PRORP: variants seen among roughly 807,000 people sequenced by gnomAD.
PRORP encodes the protein protein only RNase P catalytic subunit, also known as mitochondrial ribonuclease P catalytic subunit.
In PRORP, 51 loss-of-function variants were observed where a neutral mutation model predicts 59.4. The ratio of observed to expected loss-of-function variants is 0.86; its 90% confidence interval spans 0.69 to 1.08. The LOEUF is 1.08. Ranked by LOEUF, PRORP falls within the 50% of genes least tolerant of loss-of-function variation. The pLI, the probability that PRORP is intolerant of heterozygous loss-of-function variation, is 0.00. For missense variants in PRORP, 646 were observed against 690.3 expected (o/e 0.94, Z 0.72); for synonymous variants, 231 against 245.6 (o/e 0.94, Z 0.55).
At chr14:35,220,477 A>G (rs1427001435) in intron 5 of PRORP, among the ~76,000 whole-genome samples, 4 of 152,172 alleles carry the variant, frequency 2.6e-5, no homozygotes, top group African/African-American at 9.7e-5. Flanking sequence ...CCATTCTGAC[A>G]CGGCATTATA....
At chr14:35,253,285 C>T (rs1259703248) in intron 5 of PRORP, among the ~76,000 whole-genome samples, 3 of 145,242 alleles carry the variant, frequency 2.1e-5, no homozygotes, top group Non-Finnish European at 3.0e-5. Flanking sequence ...AGCTGTGATT[C>T]GTGCCACTGC....
intron 4 of PRORP, among the ~76,000 whole-genome samples, chr14:35,128,836 A>G (rs1296014131): frequency 6.6e-6 from 1 of 151,314 alleles, no homozygotes; most frequent in Non-Finnish European, 1.5e-5. Context: ...ATTTATTTCT[A>G]CTCTGATCTT....
intron 4 of PRORP, among the ~76,000 whole-genome samples, chr14:35,155,376 C>T (rs920853827): frequency 1.3e-5 from 2 of 151,904 alleles, no homozygotes; most frequent in African/African-American, 4.8e-5. Context: ...TTATACTATT[C>T]TGTCTACTTT....
At chr14:35,178,488 A>G (rs890879740) in intron 4 of PRORP, among the ~76,000 whole-genome samples, 9 of 152,250 alleles carry the variant, frequency 5.9e-5, no homozygotes, top group Non-Finnish European at 1.3e-4. Context: ...TCCCTTTACC[A>G]TTATGTAATG....
At chr14:35,164,895 A>T (rs548510517) in intron 4 of PRORP, among the ~76,000 whole-genome samples, 1 of 152,222 alleles carries the variant, frequency 6.6e-6, no homozygotes, top group East Asian at 1.9e-4. Flanking sequence ...TAAAATAGGG[A>T]GACCACATCA....
At chr14:35,198,838 C>T (rs1242264267) in intron 5 of PRORP, among the ~76,000 whole-genome samples, 1 of 151,922 alleles carries the variant, frequency 6.6e-6, no homozygotes, top group Non-Finnish European at 1.5e-5. Flanking sequence ...TGAGACCATC[C>T]TGGCCAACAT....
chr14:35,263,594 A>T (rs1279235345), intron 5 of PRORP, among the ~76,000 whole-genome samples: 8 of 152,190 alleles, frequency 5.3e-5, no homozygotes, highest in Admixed American at 5.2e-4. Flanking sequence ...AGGCTGAGGT[A>T]GGAGAATCGC....
At chr14:35,260,771 C>G (rs899816575) in intron 5 of PRORP, among the ~76,000 whole-genome samples, 4 of 152,246 alleles carry the variant, frequency 2.6e-5, no homozygotes, top group East Asian at 3.8e-4. Context: ...TAGCCCACCC[C>G]CTTTTTGAAG....
chr14:35,201,384 G>A (rs2049144331), intron 5 of PRORP, among the ~76,000 whole-genome samples: 1 of 152,022 alleles, frequency 6.6e-6, no homozygotes, highest in South Asian at 2.1e-4. Context: ...TAAATTATTT[G>A]GAATTCTCCC....
At chr14:35,167,403 C>T (rs989486795) in intron 4 of PRORP, among the ~76,000 whole-genome samples, 1 of 152,096 alleles carries the variant, frequency 6.6e-6, no homozygotes, top group Non-Finnish European at 1.5e-5. Flanking sequence ...TGGAGAAATG[C>T]GATAAGATAG....
At chr14:35,218,714 C>T (rs757459445) in intron 5 of PRORP, among the ~76,000 whole-genome samples, 4 of 151,526 alleles carry the variant, frequency 2.6e-5, no homozygotes, top group South Asian at 2.1e-4. Flanking sequence ...TTAGTAGAGA[C>T]GGGGTTTCAC....
At chr14:35,199,841 G>A (rs2049102183) in intron 5 of PRORP, among the ~76,000 whole-genome samples, 1 of 152,110 alleles carries the variant, frequency 6.6e-6, no homozygotes, top group South Asian at 2.1e-4. Context: ...AGTAGAAATT[G>A]CTTATGCATG....
At chr14:35,201,456 A>G (rs2049145884) in intron 5 of PRORP, among the ~76,000 whole-genome samples, 1 of 151,964 alleles carries the variant, frequency 6.6e-6, no homozygotes, top group Non-Finnish European at 1.5e-5. Context: ...ACTCATGGAT[A>G]TTTATTTTTA....
intron 4 of PRORP, among the ~76,000 whole-genome samples, chr14:35,142,077 C>T (rs1411126147): frequency 6.9e-6 from 1 of 144,930 alleles, no homozygotes; most frequent in African/African-American, 2.4e-5. Context: ...CAGGGTTTCA[C>T]CATGTTGGCC....
intron 5 of PRORP, among the ~76,000 whole-genome samples, chr14:35,239,760 G>C (rs946429920): frequency 1.3e-5 from 2 of 152,114 alleles, no homozygotes; most frequent in Non-Finnish European, 2.9e-5. Flanking sequence ...AGGGTCTTCT[G>C]CTCTGGCCTC....
intron 4 of PRORP, among the ~76,000 whole-genome samples, chr14:35,175,012 A>G (rs28378259): frequency 0.59 from 88,817 of 150,760 alleles, 26,265 homozygotes; most frequent in East Asian, 0.69. Context: ...CTGTCCTTGC[A>G]ATAGTTTGCT....
intron 5 of PRORP, among the ~76,000 whole-genome samples, chr14:35,260,805 C>T (rs1337276922): frequency 6.6e-6 from 1 of 152,220 alleles, no homozygotes; most frequent in Admixed American, 6.5e-5. Flanking sequence ...CAAGTGCTGT[C>T]TTTGTTCTTA....
At chr14:35,241,861 A>G (rs1169023661) in intron 5 of PRORP, among the ~76,000 whole-genome samples, 3 of 152,210 alleles carry the variant, frequency 2.0e-5, no homozygotes, top group Non-Finnish European at 2.9e-5. Flanking sequence ...AGAAGATTAA[A>G]GAAGTTCTAA....
intron 4 of PRORP, among the ~76,000 whole-genome samples, chr14:35,153,865 C>T (rs1415519546): frequency 6.6e-6 from 1 of 152,168 alleles, no homozygotes; most frequent in Non-Finnish European, 1.5e-5. Flanking sequence ...CACTCAAGTA[C>T]TAATTCTGTT....
Sources: allele counts gnomAD v4.1 joint callset (sites outside exome capture counted in the v4.1 genomes callset), GRCh38; gene constraint gnomAD v4.1.1; transcripts MANE v1.5; gene names NCBI Gene and HGNC (gene_info 2026-07-23, HGNC 2026-07-21).